AMPD1: variants seen among roughly 807,000 people sequenced by gnomAD.
AMPD1 encodes adenosine monophosphate deaminase 1, also known as AMP deaminase 1.
AMPD1 carries 74 observed loss-of-function variants against 82.9 expected under a neutral mutation model. The ratio of observed to expected loss-of-function variants is 0.89; its 90% CI spans 0.74 to 1.08. AMPD1 has a LOEUF of 1.08. Among genes scored for constraint, AMPD1 ranks in the 50% least tolerant of loss-of-function variants. AMPD1 has a pLI of 0.00. For synonymous variants in AMPD1, 333 were observed against 320.5 expected, an observed-to-expected ratio of 1.04 and a Z score of -0.42; for missense variants, 881 against 924.5, an observed-to-expected ratio of 0.95 and a Z score of 0.61.
At chr1:114,681,290 T>C (rs991527465) in intron 5 of AMPD1, among the ~76,000 whole-genome samples, 7 of 151,998 alleles carry the variant, frequency 4.6e-5, no homozygotes, top group Admixed American at 2.0e-4. Flanking sequence ...AGTAAAATAA[T>C]TGAGTAGAAA....
intron 4 of AMPD1, among the ~76,000 whole-genome samples, chr1:114,685,993 G>A (rs1658306002): frequency 6.6e-6 from 1 of 152,138 alleles, no homozygotes; most frequent in South Asian, 2.1e-4. Flanking sequence ...ACGGACGGCT[G>A]CACAGCAGTT....
Position 114,693,284 on chromosome 1 carries a change from A to G in AMPD1, c.34+152T>C, listed in dbSNP as rs79972831. On this transcript the variant is annotated intron_variant, in intron 2 of 15. Coordinates refer to ENST00000520113, the MANE Select transcript of AMPD1 (RefSeq NM_000036.3). ...ATGAGCTTATTTGCTATGCTATGGG[A>G]TATCTATGGTCATTATGAATCTTTG... The G allele has an allele frequency of 0.048, 35,015 of 726,914 alleles. 1,098 individuals are homozygous for G. The highest frequency in any genetic ancestry group is 0.086 in the South Asian group (5,836 of 67,854). 45.0% of individuals were successfully genotyped at this position (726,914 alleles called of 1,614,324 possible).
At chr1:114,689,162 G>T (rs538202877) in intron 2 of AMPD1, among the ~76,000 whole-genome samples, 1 of 152,290 alleles carries the variant, frequency 6.6e-6, no homozygotes, top group African/African-American at 2.4e-5. Flanking sequence ...ATTGGTCCTT[G>T]GAGTTTTTCT....
At chr1:114,680,506 A>G in intron 5 of AMPD1, 28 bp from the exon 6 acceptor site, 1 of 1,590,888 alleles carries the variant, frequency 6.3e-7, no homozygotes, top group Non-Finnish European at 8.6e-7. Context: ...AGAGTAATAT[A>G]TTAGCACATA....
Position 114,675,673 on chromosome 1 carries a change from C to A in AMPD1, c.1536G>T (p.Val512=), listed in dbSNP as rs573448158. The A allele has an allele frequency of 9.9e-6, 16 of 1,614,062 alleles. No homozygotes were observed. ...FLKHITGFDS[V]DDESKHSGHM... Reference sequence around the variant, plus strand: ...GGCCACTGTGTTTGGACTCATCATCCACACTGTCAAAGCCAGTGATCTGTT... The same window carrying A: ...GGCCACTGTGTTTGGACTCATCATCAACACTGTCAAAGCCAGTGATCTGTT... Residue 512 remains valine (V), a synonymous_variant, in exon 12 of 16, where the codon GTG becomes GTT. Coordinates refer to ENST00000520113, the MANE Select transcript of AMPD1 (RefSeq NM_000036.3).
At position 114,678,349 on chromosome 1, in the gene AMPD1, G is replaced by A. The variant is rs746535692; in HGVS notation, c.1076C>T (p.Ser359Phe). The A allele has an allele frequency of 1.9e-6, 3 of 1,614,124 alleles. No homozygotes were observed. Among genetic ancestry groups the A allele is most frequent in the South Asian group, 1.1e-5 (1 of 91,074 alleles). Residue 359 changes from serine (S) to phenylalanine (F), a missense_variant, in exon 8 of 16, where the codon TCT becomes TTT. Physicochemically the swap from Ser to Phe is radical, Grantham distance 155 (BLOSUM62 -2). Transcript: ENST00000520113. ...KMHPYDLTVD[S>F]LDVHAGRQTF... ...TCAACCTACAGCATGAACATCCAGA[G>A]AATCAACAGTCAGGTCATAAGGATG...
At chr1:114,683,001 G>A (rs979162005) in intron 5 of AMPD1, 1 of 278,754 alleles carries the variant, frequency 3.6e-6, no homozygotes, top group African/African-American at 2.3e-5. Flanking sequence ...TTAGAAACAA[G>A]TTTTAAAAAG....
At chr1:114,674,167 A>G in intron 13 of AMPD1, 85 bp from the exon 14 acceptor site, 1 of 1,297,364 alleles carries the variant, frequency 7.7e-7, no homozygotes, top group Non-Finnish European at 1.1e-6. Flanking sequence ...GTCTGCCTTA[A>G]GCTTCAGCTT....
rs1216784007 is a variant in AMPD1 at position 114,679,628 on chromosome 1, A to C, written c.848T>G (p.Leu283Ter). ...VHQMLNEMDELKELKNNPHRD... is the reference protein window; with the variant it reads ...VHQMLNEMDE ...GTGGGGGTTGTTTTTCAGCTCCTTT[A>C]ACTCGTCCATCTCGTTAAGCATCTG... Residue 283 changes from leucine (L) to a stop codon, truncating the protein, a stop_gained, in exon 7 of 16, where the codon TTA becomes TGA. Transcript: ENST00000520113. LOFTEE classifies it high-confidence loss of function. 6.2e-7 allele frequency: 1 copy of C among 1,613,888 alleles called. No individual in the cohort carries two copies. The highest frequency in any genetic ancestry group is 1.3e-5 in the African/African-American group (1 of 74,860).
chr1:114,675,972 G>A lies in AMPD1; in HGVS notation c.1420C>T (p.His474Tyr), dbSNP rs764072157. The A allele has an allele frequency of 3.0e-5, 48 of 1,614,014 alleles. No individual in the cohort carries two copies. In the East Asian group the frequency reaches 1.1e-3, roughly 36 times the overall value. Residue 474 changes from histidine to tyrosine, a missense_variant, in exon 11 of 16, where the codon CAT becomes TAT. Around this residue, in one of 2 missense-constraint regions of AMPD1, gnomAD observed 783 missense variants for 786.4 expected, o/e 1.00. Coordinates refer to ENST00000520113, the MANE Select transcript of AMPD1 (RefSeq NM_000036.3). ...ATATTCTCCAGCATTTTTCCAAAAT[G>A]TGGAAGGAAATTCTTGGAACGGAAC... Reference protein sequence around the residue: ...DVFRSKNFLPHFGKMLENIFM... With the variant: ...DVFRSKNFLPYFGKMLENIFM...
chr1:114,689,880 C>T (rs1210590663), intron 2 of AMPD1, among the ~76,000 whole-genome samples: 1 of 152,164 alleles, frequency 6.6e-6, no homozygotes, highest in Non-Finnish European at 1.5e-5. Context: ...ATCTGCCTTT[C>T]TGTTAAGTTC....
Position 114,675,915 on chromosome 1 carries a change from G to C in AMPD1, c.1477C>G (p.Pro493Ala). The part of the protein sequence containing the change: ...FMPVFEATIN[P>A]QADPELSVFL... ...ACACTGAGTTCTGGGTCAGCCTGGGGGTTGATGGTGGCCTCAAACACTGGC... is the reference window on the plus strand; with the variant it reads ...ACACTGAGTTCTGGGTCAGCCTGGGCGTTGATGGTGGCCTCAAACACTGGC... The change falls in exon 11 of 16, where the codon CCC (proline) becomes GCC (alanine). Residue 493 changes from proline to alanine, a missense_variant. By Grantham distance (27) the Pro-to-Ala change is conservative. This residue lies in a region of AMPD1 where 783 missense variants were observed against 786.4 expected (regional missense o/e 1.00). Transcript: ENST00000520113. 1 of 1,614,176 alleles carries C rather than the reference G, an allele frequency of 6.2e-7. No homozygotes were observed. Among genetic ancestry groups the C allele is most frequent in the Non-Finnish European group, 8.5e-7 (1 of 1,180,034 alleles).
At chr1:114,691,707 C>T (rs1316410474) in intron 2 of AMPD1, among the ~76,000 whole-genome samples, 7 of 152,140 alleles carry the variant, frequency 4.6e-5, no homozygotes, top group Non-Finnish European at 1.0e-4. Flanking sequence ...GGGCGGATCA[C>T]CTGAGGTCAG....
chr1:114,680,198 T>A, intron 6 of AMPD1, 61 bp downstream of exon 6: 1 of 1,380,208 alleles, frequency 7.2e-7, no homozygotes, highest in Non-Finnish European at 1.0e-6. Flanking sequence ...GAAGTAGTAC[T>A]AGTTGTTGTT....
intron 3 of AMPD1, 28 bp downstream of exon 3, chr1:114,688,533 T>C (rs1415575209): frequency 1.2e-6 from 2 of 1,613,026 alleles, no homozygotes; most frequent in East Asian, 2.2e-5. Flanking sequence ...GGTGCCAATA[T>C]ACTAAGCACT....
intron 10 of AMPD1, among the ~76,000 whole-genome samples, chr1:114,676,410 T>G (rs1657982571): frequency 6.6e-6 from 1 of 152,248 alleles, no homozygotes; most frequent in South Asian, 2.1e-4. Context: ...GCATTTAATA[T>G]ATTCCAAGCA....
chr1:114,695,363 C>T, intron 1 of AMPD1, 87 bp downstream of exon 1: 1 of 1,561,264 alleles, frequency 6.4e-7, no homozygotes, highest in Non-Finnish European at 8.7e-7. Flanking sequence ...ATGATCAAAG[C>T]TGATATGGTA....
chr1:114,693,978 G>A (rs1300563686), intron 1 of AMPD1, among the ~76,000 whole-genome samples: 1 of 152,210 alleles, frequency 6.6e-6, no homozygotes, highest in African/African-American at 2.4e-5. Context: ...GAGGCTGGCA[G>A]ATCATGAGGT....
chr1:114,679,751 T>G, intron 6 of AMPD1, 43 bp from the exon 7 acceptor site: 1 of 1,610,924 alleles, frequency 6.2e-7, no homozygotes, highest in Non-Finnish European at 8.5e-7. Context: ...GTTTCAGGCA[T>G]TCAAGAAAAA....
Sources: gnomAD v4.1 joint callset for allele counts (sites outside exome capture counted in the v4.1 genomes callset) on GRCh38, gnomAD v4.1.1 for gene constraint, gnomAD v4.1.1 regional missense constraint, MANE v1.5 for transcripts, NCBI Gene and HGNC (gene_info 2026-07-23, HGNC 2026-07-21) for gene names.